Variants in MBNL2 observed in about 807,000 individuals in gnomAD.
The protein encoded by MBNL2 is muscleblind-like protein 2.
A neutral mutation model predicts 41.9 loss-of-function variants in MBNL2; 17 were observed. The ratio of observed to expected loss-of-function variants is 0.41; its 90% CI spans 0.28 to 0.61. The LOEUF (loss-of-function observed/expected upper bound fraction) is 0.61, where lower values mean the gene tolerates loss of function less well. Among genes scored for constraint, MBNL2 ranks in the 20% least tolerant of loss-of-function variants. MBNL2 has a pLI of 0.35. For synonymous variants in MBNL2, 195 were observed against 182.9 expected, an observed-to-expected ratio of 1.07 and a Z score of -0.53; for missense variants, 336 against 505.6, an observed-to-expected ratio of 0.66 and a Z score of 3.22.
intron 2 of MBNL2, among the ~76,000 whole-genome samples, chr13:97,288,456 C>G (rs2055115487): frequency 6.6e-6 from 1 of 152,284 alleles, no homozygotes; most frequent in East Asian, 1.9e-4. Context: ...GGAAAGAGCC[C>G]AACCAGAAAC....
rs2153176219 is a variant in MBNL2 at position 97,393,969 on chromosome 13, T to C, written c.*2520T>C. ...GCCATACCACTGGTAACATTTCTAC[T>C]AAATCTTTCTGTAACACTTAAAGAA... On this transcript the variant is annotated 3_prime_UTR_variant, in exon 9 of 9. Transcript: ENST00000679496. 1 of 152,742 alleles carries C rather than the reference T, an allele frequency of 6.5e-6. No homozygotes were observed. Among genetic ancestry groups the C allele is most frequent in the East Asian group, 1.9e-4 (1 of 5,184 alleles). 9.5% of individuals were successfully genotyped at this position (152,742 alleles called of 1,614,324 possible). A position where few individuals can be genotyped will look rare whatever the true frequency, so the allele number is the denominator to read the frequency against.
the MBNL2 span, among the ~76,000 whole-genome samples, chr13:97,143,949 T>C: frequency 6.6e-6 from 1 of 152,268 alleles, no homozygotes; most frequent in African/African-American, 2.4e-5. Flanking sequence ...GTTCAAGTGA[T>C]TCTCCTGCCT....
At chr13:97,388,535 A>AAGC (rs929762454) in intron 8 of MBNL2, among the ~76,000 whole-genome samples, 3 of 152,156 alleles carry the variant, frequency 2.0e-5, no homozygotes, top group African/African-American at 7.2e-5. Context: ...CAGTCCCCAC[A>AAGC]AGCACACACA....
rs1476860521 is a variant in MBNL2 at position 97,334,536 on chromosome 13, C to T, written c.339+96C>T. The T allele has an allele frequency of 1.4e-4, 113 of 831,388 alleles. No individual in the cohort carries two copies. The highest frequency in any genetic ancestry group is 1.2e-4 in the Admixed American group (4 of 33,738). 51.5% of individuals were successfully genotyped at this position (831,388 alleles called of 1,614,324 possible). On this transcript the variant is annotated intron_variant, in intron 3 of 8. Coordinates refer to ENST00000679496, the MANE Select transcript of MBNL2 (RefSeq NM_001382683.1). This position sits in a 1 kb window ranked among gnomAD's most constrained non-coding sequence, Gnocchi z 5.3. ...AGGGTGGCCTCTCTCCACTTTGTCACTTTGGTTACAATTAAAGCAAATAGC... is the reference window on the plus strand; with the variant it reads ...AGGGTGGCCTCTCTCCACTTTGTCATTTTGGTTACAATTAAAGCAAATAGC...
chr13:97,238,577 C>T (rs2043713570), intron 1 of MBNL2, among the ~76,000 whole-genome samples: 1 of 152,134 alleles, frequency 6.6e-6, no homozygotes, highest in African/African-American at 2.4e-5. Flanking sequence ...GGTGCAGAAG[C>T]CAAGACAACG....
intron 2 of MBNL2, among the ~76,000 whole-genome samples, chr13:97,331,992 A>T (rs999549693): frequency 2.0e-5 from 3 of 152,218 alleles, no homozygotes; most frequent in African/African-American, 7.2e-5. Context: ...GCCACAAAGC[A>T]TTACATTAAA....
At chr13:97,319,819 T>C (rs61974441) in intron 2 of MBNL2, among the ~76,000 whole-genome samples, 1,771 of 152,312 alleles carry the variant, frequency 0.012, 20 homozygotes, top group Non-Finnish European at 0.016. Context: ...TAGTGAAACA[T>C]TTTGTCTTTT....
At chr13:97,158,724 C>G in the MBNL2 span, among the ~76,000 whole-genome samples, 3 of 151,868 alleles carry the variant, frequency 2.0e-5, no homozygotes, top group East Asian at 5.8e-4. Flanking sequence ...GATTCTTAAT[C>G]CTGAGTTCTA....
chr13:97,368,219 G>A (rs368920255), intron 8 of MBNL2, among the ~76,000 whole-genome samples: 4 of 152,104 alleles, frequency 2.6e-5, no homozygotes, highest in Non-Finnish European at 2.9e-5. Flanking sequence ...AGACCAGCCT[G>A]AGCAACATGG....
chr13:97,146,332 A>G, the MBNL2 span, among the ~76,000 whole-genome samples: 1 of 152,120 alleles, frequency 6.6e-6, no homozygotes, highest in Non-Finnish European at 1.5e-5. Context: ...TTTGCCAACA[A>G]CAGATCCAGT....
chr13:97,145,092 G>A, the MBNL2 span, among the ~76,000 whole-genome samples: 3 of 152,272 alleles, frequency 2.0e-5, no homozygotes, highest in East Asian at 5.8e-4. Context: ...AGGAAAGAAC[G>A]CAGGCTTCCC....
At chr13:97,218,060 A>G (rs1167224804), upstream of MBNL2, among the ~76,000 whole-genome samples, 1 of 152,212 alleles carries the variant, frequency 6.6e-6, no homozygotes, top group Non-Finnish European at 1.5e-5. Flanking sequence ...GATCAAATAA[A>G]AAATGATTTT....
intron 1 of MBNL2, among the ~76,000 whole-genome samples, chr13:97,259,355 T>C (rs997387912): frequency 6.6e-6 from 1 of 152,116 alleles, no homozygotes; most frequent in African/African-American, 2.4e-5. Flanking sequence ...CTTTTCACAG[T>C]CCGGGGCATA....
intron 1 of MBNL2, among the ~76,000 whole-genome samples, chr13:97,232,529 C>T (rs966700762): frequency 2.6e-5 from 4 of 152,178 alleles, no homozygotes; most frequent in Non-Finnish European, 5.9e-5. Context: ...AAGTTACTTG[C>T]CAAGGTTACA....
chr13:97,162,388 A>G, the MBNL2 span, among the ~76,000 whole-genome samples: 1 of 152,206 alleles, frequency 6.6e-6, no homozygotes, highest in Non-Finnish European at 1.5e-5. Flanking sequence ...ATAAGTGGAA[A>G]TGTTAGGTCC....
Position 97,334,172 on chromosome 13 carries a change from ACAC to A in MBNL2, c.175-103_175-101del, listed in dbSNP as rs1325707093. 1.2e-6 allele frequency: 1 copy of A among 867,760 alleles called. No homozygotes were observed. Among genetic ancestry groups the A allele is most frequent in the African/African-American group, 1.7e-5 (1 of 57,956 alleles). 53.8% of individuals were successfully genotyped at this position (867,760 alleles called of 1,614,324 possible). The stretch of plus-strand genomic sequence containing the variant: ...CCCACACACACACACACACACACAC[ACAC>A]AGGATCCTTGCTTTTGTGCATAAGA... On this transcript the variant is annotated intron_variant, in intron 2 of 8. Coordinates refer to ENST00000679496, the MANE Select transcript of MBNL2 (RefSeq NM_001382683.1). The surrounding 1 kb of genome is among the most constrained non-coding windows in gnomAD (Gnocchi z 5.3).
chr13:97,349,338 C>A (rs2062202671), intron 5 of MBNL2, among the ~76,000 whole-genome samples: 1 of 152,112 alleles, frequency 6.6e-6, no homozygotes, highest in Non-Finnish European at 1.5e-5. Flanking sequence ...TCTTTCAGAG[C>A]ACAAATGAGA....
chr13:97,330,552 C>T (rs2060346756), intron 2 of MBNL2, among the ~76,000 whole-genome samples: 1 of 152,196 alleles, frequency 6.6e-6, no homozygotes. Flanking sequence ...TTTTCCCAGA[C>T]ATTTTTGTCT....
upstream of MBNL2, among the ~76,000 whole-genome samples, chr13:97,218,441 A>AAAAAAAAAAAAC (rs2040585241): frequency 4.1e-5 from 1 of 24,118 alleles, no homozygotes; most frequent in African/African-American, 9.6e-5. Context: ...AAAACAAAAC[A>AAAAAAAAAAAAC]AAAAAAAAAA....
Sources: allele counts gnomAD v4.1 joint callset (sites outside exome capture counted in the v4.1 genomes callset), GRCh38; gene constraint gnomAD v4.1.1; non-coding constraint Gnocchi (gnomAD v3.1); transcripts MANE v1.5; gene names NCBI Gene and HGNC (gene_info 2026-07-23, HGNC 2026-07-21).